The following IGDCC3 variants were observed in gnomAD, a reference collection of about 807,000 sequenced individuals.
The protein encoded by IGDCC3 is putative neuronal cell adhesion molecule.
A neutral mutation model predicts 72.0 loss-of-function variants in IGDCC3; 47 were observed. The observed-to-expected ratio is 0.65, with a 90% CI of 0.52 to 0.83. IGDCC3 has a LOEUF of 0.83. IGDCC3 is among the 40% of genes least tolerant of loss of function. The probability of loss-of-function intolerance (pLI) is 0.00; values close to 1 mark genes in which losing one functional copy is unlikely to be tolerated. For missense variants in IGDCC3, 1,038 were observed against 1,091.3 expected (o/e 0.95, Z 0.69); for synonymous variants, 477 against 472.8 (o/e 1.01, Z -0.11).
intron 2 of IGDCC3, among the ~76,000 whole-genome samples, chr15:65,358,149 A>G (rs1409361118): frequency 6.7e-6 from 1 of 149,816 alleles, no homozygotes; most frequent in African/African-American, 2.5e-5. Flanking sequence ...TTTGTCACCC[A>G]GGCTGGAGTA....
chr15:65,342,909 C>T (rs1254717925), intron 2 of IGDCC3, among the ~76,000 whole-genome samples: 2 of 152,180 alleles, frequency 1.3e-5, no homozygotes, highest in Admixed American at 6.5e-5. Flanking sequence ...CCCGGGTTCA[C>T]CTCGACCTCT....
chr15:65,361,194 C>T (rs2585030), intron 2 of IGDCC3, among the ~76,000 whole-genome samples: 64,572 of 151,594 alleles, frequency 0.43, 13,918 homozygotes, highest in East Asian at 0.48. Context: ...TTTGTTTGGC[C>T]GAGTCGGGGG....
intron 10 of IGDCC3, 21 bp downstream of exon 10, chr15:65,330,529 T>A (rs764764100): frequency 2.5e-6 from 4 of 1,610,386 alleles, no homozygotes; most frequent in Non-Finnish European, 3.4e-6. Context: ...CCCCCTAGGC[T>A]CTGGGCTGTG....
intron 2 of IGDCC3, among the ~76,000 whole-genome samples, chr15:65,342,992 T>G (rs2091095554): frequency 6.6e-6 from 1 of 152,164 alleles, no homozygotes; most frequent in African/African-American, 2.4e-5. Context: ...CATACAGAAC[T>G]GAGTTCAAAT....
chr15:65,328,934 G>A lies in IGDCC3; in HGVS notation c.2420C>T (p.Thr807Ile), dbSNP rs545773503. 1.4e-5 allele frequency: 22 copies of A among 1,555,674 alleles called. No homozygotes were observed. The South Asian group carries it at 2.0e-4, about 14-fold the overall frequency. ...CTACTGTTCCGAGTGAGCTGGCTGG[G>A]TAACCCGGGCCGCTGCAGGCCTGGA... is the stretch of plus-strand genomic sequence containing the variant. ...QASRPAAARV[T>I]QPAHSEQ Residue 807 changes from threonine to isoleucine, a missense_variant, in exon 14 of 14, where the codon ACC becomes ATC. Coordinates refer to ENST00000327987, the MANE Select transcript of IGDCC3 (RefSeq NM_004884.4).
chr15:65,361,996 G>A (rs971112401), intron 2 of IGDCC3, among the ~76,000 whole-genome samples: 1 of 152,170 alleles, frequency 6.6e-6, no homozygotes, highest in Non-Finnish European at 1.5e-5. Flanking sequence ...ACACGTGCGC[G>A]GGCAGGAGCC....
At position 65,333,240 on chromosome 15, in the gene IGDCC3, G is replaced by T. The variant is rs779940974; in HGVS notation, c.982+17C>A. 53 of 1,588,232 alleles carry T rather than the reference G, an allele frequency of 3.3e-5. No individual in the cohort carries two copies. The highest frequency in any genetic ancestry group is 3.5e-4 in the Middle Eastern group (2 of 5,794). On this transcript the variant is annotated intron_variant, in intron 6 of 13. Transcript: ENST00000327987. ...CGGAGATCCCTGCCCTCCTCCTCAGGGTTGGCTGATCCATACCTTGCACCA... is the reference window on the plus strand; with the variant it reads ...CGGAGATCCCTGCCCTCCTCCTCAGTGTTGGCTGATCCATACCTTGCACCA...
At chr15:65,334,677 C>CA (rs1422468807) in intron 5 of IGDCC3, 51 bp downstream of exon 5, 1 of 1,471,434 alleles carries the variant, frequency 6.8e-7, no homozygotes, top group Non-Finnish European at 9.0e-7. Context: ...CCGGCCCTCC[C>CA]AGGGGGTGGG....
In IGDCC3 at chr15:65,377,498, C is replaced by T. The variant is rs369363520; in HGVS notation, c.103+188G>A. ...CGGGGGGTTCCGTCCTCAACACGCC[C>T]CTAGGGCCCCCAGCAGTCCGGCCTT... On this transcript the variant is annotated intron_variant, in intron 1 of 13. Transcript: ENST00000327987. This position sits in a 1 kb window ranked among gnomAD's most constrained non-coding sequence, Gnocchi z 4.9. 2.7e-4 allele frequency among the ~76,000 whole-genome samples: 41 copies of T among 152,320 alleles called. No homozygotes were observed. Among genetic ancestry groups the T allele is most frequent in the African/African-American group, 9.4e-4 (39 of 41,578 alleles).
At chr15:65,370,023 T>C (rs2091313261) in intron 2 of IGDCC3, among the ~76,000 whole-genome samples, 1 of 152,150 alleles carries the variant, frequency 6.6e-6, no homozygotes, top group African/African-American at 2.4e-5. Flanking sequence ...ACTGAGGGCC[T>C]GAGAGGCTAG....
chr15:65,345,611 C>CAAAAATA (rs10642831), intron 2 of IGDCC3, among the ~76,000 whole-genome samples: 70,749 of 150,514 alleles, frequency 0.47, 17,539 homozygotes, highest in African/African-American at 0.65. Context: ...CAGACACGCA[C>CAAAAATA]AAAAATAAAT....
In IGDCC3 at chr15:65,329,494, GT is replaced by G; in HGVS notation, c.2100del (p.Gln701SerfsTer14). 3.7e-6 allele frequency: 6 copies of G among 1,609,320 alleles called. No individual in the cohort carries two copies. The highest frequency in any genetic ancestry group is 5.1e-6 in the Non-Finnish European group (6 of 1,178,678). On this transcript the variant is annotated frameshift_variant, in exon 13 of 14. Transcript: ENST00000327987. LOFTEE classifies it high-confidence loss of function. The surrounding 1 kb of genome is among the most constrained non-coding windows in gnomAD (Gnocchi z 4.1). ...GILALNGARR[G>X]QRGQLGRDEK... ...TCGTCTCGGCCCAGCTGGCCCCGCT[GT>G]CCCCGTCTCGCCCCATTTAGGGCTA...
At position 65,335,312 on chromosome 15, in the gene IGDCC3, C is replaced by A; in HGVS notation, c.664G>T (p.Gly222Trp). The change falls in exon 4 of 14, where the codon GGG (glycine) becomes TGG (tryptophan). Residue 222 changes from glycine to tryptophan, a missense_variant. Gly to Trp is a radical substitution (Grantham distance 184). Coordinates refer to ENST00000327987, the MANE Select transcript of IGDCC3 (RefSeq NM_004884.4). ...TCACCTGACACAGTGAGCCTGGCCC[C>A]GTGGCTGATCCGGATACTGGCGATG... is the stretch of plus-strand genomic sequence containing the variant. ...SNIASIRISH[G>W]ARLTVSGSGS... The A allele has an allele frequency of 6.2e-7, 1 of 1,612,558 alleles. No individual in the cohort carries two copies. The highest frequency in any genetic ancestry group is 8.5e-7 in the Non-Finnish European group (1 of 1,179,220).
At chr15:65,361,733 C>T (rs1361461191) in intron 2 of IGDCC3, among the ~76,000 whole-genome samples, 1 of 151,984 alleles carries the variant, frequency 6.6e-6, no homozygotes, top group African/African-American at 2.4e-5. Flanking sequence ...CACTCGGGCA[C>T]ACAGTTCGAT....
rs139816970 is a variant in IGDCC3, at chr15:65,376,669, C to T, written c.103+1017G>A. On this transcript the variant is annotated intron_variant, in intron 1 of 13. Coordinates refer to ENST00000327987, the MANE Select transcript of IGDCC3 (RefSeq NM_004884.4). ...TGTTTTAAGACTTTTTAGGATCGCA[C>T]TTATTCAAACCCCTGCGCATCCTCC... Among the ~76,000 whole-genome samples the T allele has an allele frequency of 7.1e-3, 1,079 of 151,098 alleles. 19 individuals are homozygous for T. The highest frequency in any genetic ancestry group is 0.025 in the African/African-American group (1,021 of 41,222).
At chr15:65,365,515 T>C (rs1379939825) in intron 2 of IGDCC3, among the ~76,000 whole-genome samples, 1 of 152,070 alleles carries the variant, frequency 6.6e-6, no homozygotes, top group Non-Finnish European at 1.5e-5. Context: ...TCAGTGTCAG[T>C]GTCCAGGCTC....
intron 2 of IGDCC3, among the ~76,000 whole-genome samples, chr15:65,352,916 T>C (rs989453626): frequency 2.0e-5 from 3 of 152,234 alleles, no homozygotes; most frequent in East Asian, 1.9e-4. Flanking sequence ...TTCTGCAATT[T>C]AGGCTAACTC....
chr15:65,331,732 G>A, intron 7 of IGDCC3, 73 bp from the exon 8 acceptor site: 5 of 1,488,870 alleles, frequency 3.4e-6, no homozygotes, highest in Non-Finnish European at 4.5e-6. Context: ...TTGAAAGATG[G>A]AGAAACTGAG....
rs2090979294 is a variant in IGDCC3 at position 65,331,619 on chromosome 15, T to C, written c.1189A>G (p.Ile397Val). The change falls in exon 8 of 14, where the codon ATT (isoleucine) becomes GTT (valine). Residue 397 changes from isoleucine to valine, a missense_variant. Ile to Val is a conservative substitution (Grantham distance 29, BLOSUM62 3). Transcript: ENST00000327987. ...CTGTTCTCGGCCACACACTGATAAA[T>C]GGCTTCATCCTCAGGACCGATTCCA... Reference protein sequence around the residue: ...ISGIGPEDEAIYQCVAENSAG... With the variant: ...ISGIGPEDEAVYQCVAENSAG... 6 of 1,612,774 alleles carry C rather than the reference T, an allele frequency of 3.7e-6. No homozygotes were observed. The highest frequency in any genetic ancestry group is 5.1e-6 in the Non-Finnish European group (6 of 1,179,212).
Sources: gnomAD v4.1 joint callset for allele counts (sites outside exome capture counted in the v4.1 genomes callset) on GRCh38, gnomAD v4.1.1 for gene constraint, Gnocchi (gnomAD v3.1) non-coding constraint, MANE v1.5 for transcripts, NCBI Gene and HGNC (gene_info 2026-07-23, HGNC 2026-07-21) for gene names.